DNAAF9: variants seen among roughly 807,000 people sequenced by gnomAD.
DNAAF9 encodes shulin.
DNAAF9 carries 90 observed loss-of-function variants against 167.0 expected under a neutral mutation model. The ratio of observed to expected loss-of-function variants is 0.54; its 90% confidence interval spans 0.45 to 0.64. The LOEUF is 0.64. Among genes scored for constraint, DNAAF9 ranks in the 30% least tolerant of loss-of-function variants. The probability of loss-of-function intolerance (pLI) is 0.00; values close to 1 mark genes in which losing one functional copy is unlikely to be tolerated. For missense variants in DNAAF9, 1,315 were observed against 1,442.2 expected (o/e 0.91, Z 1.43); for synonymous variants, 491 against 508.8 (o/e 0.96, Z 0.47).
intron 1 of DNAAF9, among the ~76,000 whole-genome samples, chr20:3,390,302 C>T (rs564815204): frequency 1.3e-5 from 2 of 150,446 alleles, no homozygotes; most frequent in South Asian, 2.1e-4. Context: ...AAACCACATA[C>T]GGCAAAATGT....
intron 23 of DNAAF9, chr20:3,296,043 G>T: frequency 1.1e-6 from 1 of 932,436 alleles, no homozygotes; most frequent in Non-Finnish European, 1.8e-6. Context: ...TTTCCACCCT[G>T]GTAGTAACCC....
chr20:3,271,871 G>A (rs1211918533), intron 29 of DNAAF9, among the ~76,000 whole-genome samples: 10 of 151,778 alleles, frequency 6.6e-5, no homozygotes, highest in African/African-American at 1.7e-4. Context: ...TGCCTGCCTC[G>A]GCCTCCCAAA....
intron 12 of DNAAF9, among the ~76,000 whole-genome samples, chr20:3,329,604 C>T (rs148392073): frequency 6.6e-6 from 1 of 152,304 alleles, no homozygotes; most frequent in East Asian, 1.9e-4. Context: ...TTTGTGGGCC[C>T]TGCCCTAGAA....
chr20:3,273,887 A>G (rs1006863402), intron 29 of DNAAF9, among the ~76,000 whole-genome samples: 1 of 152,174 alleles, frequency 6.6e-6, no homozygotes, highest in Admixed American at 6.5e-5. Context: ...AGTATATACA[A>G]AAGTGTTGAG....
intron 1 of DNAAF9, among the ~76,000 whole-genome samples, chr20:3,399,760 G>A (rs1181746090): frequency 6.6e-6 from 1 of 151,898 alleles, no homozygotes; most frequent in Non-Finnish European, 1.5e-5. Flanking sequence ...GAAACCACCT[G>A]CTAAAAGACA....
At chr20:3,278,426 A>T (rs2068707996) in intron 29 of DNAAF9, among the ~76,000 whole-genome samples, 1 of 152,186 alleles carries the variant, frequency 6.6e-6, no homozygotes, top group South Asian at 2.1e-4. Flanking sequence ...TGTTGCCATA[A>T]GAGACAAGCT....
chr20:3,348,649 G>A (rs771138651), intron 7 of DNAAF9, 26 bp from the exon 8 acceptor site: 11 of 1,450,088 alleles, frequency 7.6e-6, no homozygotes, highest in Admixed American at 5.6e-5. Context: ...AAAAGATAAC[G>A]TGTTTGGTCA....
intron 1 of DNAAF9, among the ~76,000 whole-genome samples, chr20:3,383,271 CTTTTTTTTT>C (rs11087581): frequency 0.02 from 2,254 of 114,354 alleles, 31 homozygotes; most frequent in Non-Finnish European, 0.027. Context: ...TTCCCTAACA[CTTTTTTTTT>C]TTTTTTTTTT....
At chr20:3,356,270 G>A (rs748836882) in intron 7 of DNAAF9, among the ~76,000 whole-genome samples, 25 of 151,978 alleles carry the variant, frequency 1.6e-4, no homozygotes, top group Admixed American at 2.6e-4. Flanking sequence ...CACCTGCCTC[G>A]GCCTCCCAAA....
intron 33 of DNAAF9, among the ~76,000 whole-genome samples, chr20:3,258,937 C>T (rs2068329882): frequency 6.6e-6 from 1 of 152,230 alleles, no homozygotes; most frequent in Admixed American, 6.5e-5. Context: ...CCCTGGAATA[C>T]TGTACCTTTC....
intron 6 of DNAAF9, among the ~76,000 whole-genome samples, chr20:3,363,575 G>A (rs1455577895): frequency 4.1e-5 from 6 of 147,968 alleles, no homozygotes; most frequent in Admixed American, 1.3e-4. Context: ...TATTCTGGCC[G>A]GGCATGGTGG....
intron 28 of DNAAF9, among the ~76,000 whole-genome samples, 192 bp from the exon 29 acceptor site, chr20:3,279,141 C>T (rs539337462): frequency 6.6e-6 from 1 of 152,224 alleles, no homozygotes; most frequent in East Asian, 1.9e-4. Context: ...ACACCAGGAG[C>T]CCCACAGAAG....
At chr20:3,299,261 A>C (rs1168468853) in intron 21 of DNAAF9, among the ~76,000 whole-genome samples, 1 of 152,104 alleles carries the variant, frequency 6.6e-6, no homozygotes, top group Non-Finnish European at 1.5e-5. Context: ...AGTAAGGGTC[A>C]AACTTCATTC....
At chr20:3,401,968 TA>T (rs2083993664) in intron 1 of DNAAF9, among the ~76,000 whole-genome samples, 1 of 152,200 alleles carries the variant, frequency 6.6e-6, no homozygotes, top group African/African-American at 2.4e-5. Context: ...ACTGTTTTGC[TA>T]GAGCACATCC....
chr20:3,332,862 G>A (rs759411995), intron 10 of DNAAF9, among the ~76,000 whole-genome samples: 37 of 151,426 alleles, frequency 2.4e-4, no homozygotes, highest in Non-Finnish European at 4.9e-4. Context: ...CTTTTGGTGC[G>A]TGTGCGTGCG....
intron 27 of DNAAF9, among the ~76,000 whole-genome samples, chr20:3,285,073 C>CT (rs1568577835): frequency 6.6e-6 from 1 of 152,182 alleles, no homozygotes; most frequent in South Asian, 2.1e-4. Context: ...ATTTCTAAAA[C>CT]TTTGTCATTT....
intron 32 of DNAAF9, 122 bp downstream of exon 32, chr20:3,259,800 A>G (rs2068348550): frequency 1.4e-6 from 1 of 693,896 alleles, no homozygotes; most frequent in Non-Finnish European, 2.6e-6. Context: ...CCCTCTGTCT[A>G]CTTTTGGTTT....
chr20:3,296,792 G>A, intron 23 of DNAAF9, 69 bp downstream of exon 23: 1 of 951,152 alleles, frequency 1.1e-6, no homozygotes, highest in East Asian at 2.4e-5. Flanking sequence ...ATAATGCGAG[G>A]CATCCTGCAG....
At position 3,407,455 on chromosome 20, in the gene DNAAF9, G is replaced by T. The variant is rs1244904119; in HGVS notation, c.83+20C>A. The T allele has an allele frequency of 1.5e-6, 2 of 1,301,778 alleles. No individual in the cohort carries two copies. The highest frequency in any genetic ancestry group is 7.8e-5 in the Admixed American group (2 of 25,626). The allele number at this position is 1,301,778 out of a possible 1,614,324, so 80.6% of individuals were successfully genotyped here. ...GCATCCCCCGCCCGGCCGCCCCTCG[G>T]CTGCCTCTGCCCCGCGTACCTGACG... On this transcript the variant is annotated intron_variant, in intron 1 of 36. Transcript: ENST00000252032.
Sources: gnomAD v4.1 joint callset for allele counts (sites outside exome capture counted in the v4.1 genomes callset) on GRCh38, gnomAD v4.1.1 for gene constraint, MANE v1.5 for transcripts, NCBI Gene and HGNC (gene_info 2026-07-23, HGNC 2026-07-21) for gene names.